RBM27: variants seen among roughly 807,000 people sequenced by gnomAD.
The protein encoded by RBM27 is RNA-binding protein 27.
RBM27 carries 22 observed loss-of-function variants against 135.3 expected under a neutral mutation model. The ratio of observed to expected loss-of-function variants is 0.16; its 90% CI spans 0.12 to 0.23. The LOEUF (loss-of-function observed/expected upper bound fraction) is 0.23, where lower values mean the gene tolerates loss of function less well. RBM27 is among the 10% of genes least tolerant of loss of function. The probability of loss-of-function intolerance (pLI) is 1.00; values close to 1 mark genes in which losing one functional copy is unlikely to be tolerated. For missense variants in RBM27, 1,009 were observed against 1,281.0 expected (o/e 0.79, Z 3.24); for synonymous variants, 481 against 442.4 (o/e 1.09, Z -1.10).
At chr5:146,216,881 C>G (rs2126702314) in intron 1 of RBM27, among the ~76,000 whole-genome samples, 1 of 152,262 alleles carries the variant, frequency 6.6e-6, no homozygotes, top group African/African-American at 2.4e-5. Flanking sequence ...TGCTCTTGAA[C>G]TTCTAGGCTT....
intron 8 of RBM27, among the ~76,000 whole-genome samples, chr5:146,240,056 C>T (rs1343303608): frequency 2.0e-5 from 3 of 151,924 alleles, no homozygotes; most frequent in South Asian, 2.1e-4. Context: ...GGATTACAGG[C>T]GTGAGCCACT....
At chr5:146,243,305 A>T (rs1757487370) in intron 8 of RBM27, among the ~76,000 whole-genome samples, 1 of 152,214 alleles carries the variant, frequency 6.6e-6, no homozygotes, top group Non-Finnish European at 1.5e-5. Context: ...AAATAGTTTT[A>T]AAAATATTTT....
intron 14 of RBM27, among the ~76,000 whole-genome samples, chr5:146,266,820 C>G (rs1758638001): frequency 6.6e-6 from 1 of 151,992 alleles, no homozygotes; most frequent in African/African-American, 2.4e-5. Flanking sequence ...ACCTATAGCC[C>G]CAGCTACTCT....
intron 11 of RBM27, among the ~76,000 whole-genome samples, chr5:146,260,299 CAA>C (rs765208077): frequency 1.6e-5 from 2 of 125,350 alleles, no homozygotes. Context: ...ACTCCGTCTA[CAA>C]AAAAAAAAAA....
At chr5:146,205,086 T>TG (rs1475776824) in intron 1 of RBM27, among the ~76,000 whole-genome samples, 4 of 152,084 alleles carry the variant, frequency 2.6e-5, no homozygotes, top group African/African-American at 7.2e-5. Context: ...TTAGTAGAGA[T>TG]GGGGTTTCGC....
At chr5:146,282,962 T>C (rs1458056791) in intron 19 of RBM27, among the ~76,000 whole-genome samples, 1 of 152,250 alleles carries the variant, frequency 6.6e-6, no homozygotes, top group Non-Finnish European at 1.5e-5. Context: ...TATACATTTC[T>C]TATTCTTCCT....
chr5:146,269,109 T>G, intron 15 of RBM27, 98 bp from the exon 16 acceptor site: 1 of 711,476 alleles, frequency 1.4e-6, no homozygotes, highest in Non-Finnish European at 2.3e-6. Flanking sequence ...TATTTTTTTA[T>G]TAGGAGGACA....
intron 1 of RBM27, among the ~76,000 whole-genome samples, chr5:146,218,517 AT>A (rs1186857371): frequency 1.3e-5 from 2 of 152,192 alleles, no homozygotes; most frequent in Non-Finnish European, 2.9e-5. Flanking sequence ...AAAAGGGCTG[AT>A]AGCCATTTTT....
At chr5:146,258,411 C>T (rs780730771) in intron 10 of RBM27, 38 bp from the exon 11 acceptor site, 6 of 1,496,220 alleles carry the variant, frequency 4.0e-6, no homozygotes, top group Non-Finnish European at 5.4e-6. Flanking sequence ...ATTGAGACTC[C>T]TGAAAAACTC....
At position 146,214,476 on chromosome 5, in the gene RBM27, A is replaced by G. The variant is rs541360110; in HGVS notation, c.60-4509A>G. Among the ~76,000 whole-genome samples the G allele has an allele frequency of 3.9e-5, 6 of 152,308 alleles. No homozygotes were observed. In the South Asian group the frequency reaches 1.2e-3, roughly 32 times the overall value. On this transcript the variant is annotated intron_variant, in intron 1 of 20. Transcript: ENST00000265271. ...ATGCTGCACTTGTCTTATATTCTCA[A>G]GAGTCTTAGTTGTACTCAGATTTTT...
chr5:146,215,340 G>A (rs539123187), intron 1 of RBM27, among the ~76,000 whole-genome samples: 35 of 152,172 alleles, frequency 2.3e-4, no homozygotes, highest in Admixed American at 2.0e-3. Context: ...ATGAGCCACT[G>A]CACCCAGCCG....
intron 17 of RBM27, 132 bp from the exon 18 acceptor site, chr5:146,270,822 A>C (rs997022400): frequency 5.5e-6 from 3 of 548,360 alleles, no homozygotes; most frequent in Non-Finnish European, 9.9e-6. Flanking sequence ...TTTTTTAAAA[A>C]CACCCATGTT....
intron 19 of RBM27, among the ~76,000 whole-genome samples, chr5:146,272,146 C>G (rs190142685): frequency 3.3e-5 from 5 of 152,336 alleles, no homozygotes; most frequent in African/African-American, 1.2e-4. Context: ...TTTCCAGCCA[C>G]TCATTCATTC....
chr5:146,247,774 C>A (rs545760715), intron 8 of RBM27, among the ~76,000 whole-genome samples: 2 of 152,108 alleles, frequency 1.3e-5, no homozygotes, highest in Non-Finnish European at 2.9e-5. Flanking sequence ...TTATAATGCT[C>A]ATGATGTCTG....
rs750162002 is a variant in RBM27, at chr5:146,269,446, C to T, written c.2553C>T (p.Asn851=). 2 of 1,561,142 alleles carry T rather than the reference C, an allele frequency of 1.3e-6. No individual in the cohort carries two copies. Among genetic ancestry groups the T allele is most frequent in the Admixed American group, 2.1e-5 (1 of 47,782 alleles). ...QKMLISKLEK[N]KNMKPEERAN... is the part of the protein sequence containing the mutation. ...TGTTAATATCCAAGTTAGAAAAAAA[C>T]AAAAACATGAAACCAGAAGAAAGAG... Residue 851 remains asparagine, a synonymous_variant, in exon 17 of 21, where the codon AAC becomes AAT. Transcript: ENST00000265271.
intron 6 of RBM27, among the ~76,000 whole-genome samples, chr5:146,232,113 TTTAAA>T (rs1312006588): frequency 6.6e-6 from 1 of 152,214 alleles, no homozygotes; most frequent in Non-Finnish European, 1.5e-5. Flanking sequence ...CGTTACATCA[TTTAAA>T]TAGGCACCAA....
intron 19 of RBM27, among the ~76,000 whole-genome samples, chr5:146,275,448 T>C (rs1759057069): frequency 8.6e-5 from 13 of 151,924 alleles, no homozygotes; most frequent in Admixed American, 7.9e-4. Flanking sequence ...TTGTGTTTTT[T>C]AGTAGAGACG....
chr5:146,257,281 A>G (rs538105754), intron 10 of RBM27, among the ~76,000 whole-genome samples: 49 of 152,352 alleles, frequency 3.2e-4, no homozygotes, highest in Middle Eastern at 3.4e-3. Flanking sequence ...TTTAATAGGC[A>G]TAGTTTTGTG....
rs138972016 is a variant in RBM27 at position 146,252,305 on chromosome 5, A to G, written c.1444+430A>G. Among the ~76,000 whole-genome samples, 17 of 152,322 alleles carry G rather than the reference A, an allele frequency of 1.1e-4. No homozygotes were observed. In the East Asian group the frequency reaches 3.3e-3, roughly 29 times the overall value. On this transcript the variant is annotated intron_variant, in intron 9 of 20. Coordinates refer to ENST00000265271, the MANE Select transcript of RBM27 (RefSeq NM_018989.2). ...CCCCTTTTGCCCCTTGTATGTGTGC[A>G]TAATGTAGCGATTCTTAAAAACTCT... is the stretch of plus-strand genomic sequence containing the variant.
Sources: gnomAD v4.1 joint callset for allele counts (sites outside exome capture counted in the v4.1 genomes callset) on GRCh38, gnomAD v4.1.1 for gene constraint, MANE v1.5 for transcripts, NCBI Gene and HGNC (gene_info 2026-07-23, HGNC 2026-07-21) for gene names.